The following MFN2 variants were observed in gnomAD, a reference collection of about 807,000 sequenced individuals.
MFN2 encodes the protein mitofusin 2.
Under a neutral mutation model 87.5 loss-of-function variants are expected in MFN2, and 43 were observed. The observed-to-expected ratio is 0.49, with a 90% CI of 0.38 to 0.63. The LOEUF is 0.63. MFN2 is among the 30% of genes least tolerant of loss of function. The pLI is 0.00. For missense variants in MFN2, 743 were observed against 972.8 expected (o/e 0.76, Z 3.14); for synonymous variants, 337 against 359.9 (o/e 0.94, Z 0.72).
In MFN2 at chr1:12,007,247, G is replaced by A. The variant is rs970325328; in HGVS notation, c.2067G>A (p.Gln689=). The change falls in exon 17 of 19, where the codon CAG becomes CAA. Residue 689 remains glutamine (Q), a splice_region_variant and synonymous_variant. Transcript: ENST00000235329. The part of the protein sequence containing the change: ...YTGSNCSHQV[Q]QELSGTFAHL... Reference sequence around the variant, plus strand: ...GCTCCAACTGCAGCCACCAAGTCCAGCAGTGAGTGGCCCTGTCGGACCCCA... The same window carrying A: ...GCTCCAACTGCAGCCACCAAGTCCAACAGTGAGTGGCCCTGTCGGACCCCA... 1.2e-6 allele frequency: 2 copies of A among 1,613,732 alleles called. No homozygotes were observed. The highest frequency in any genetic ancestry group is 1.7e-6 in the Non-Finnish European group (2 of 1,179,962).
chr1:11,997,649 A>G (rs1557523193), intron 6 of MFN2, among the ~76,000 whole-genome samples: 1 of 152,100 alleles, frequency 6.6e-6, no homozygotes, highest in Non-Finnish European at 1.5e-5. Flanking sequence ...TCTGTAAAAG[A>G]TAGGAGGGAT....
At chr1:12,001,627 A>G in intron 9 of MFN2, 73 bp downstream of exon 9, 1 of 1,610,330 alleles carries the variant, frequency 6.2e-7, no homozygotes, top group Non-Finnish European at 8.5e-7. Flanking sequence ...GGAGTCTGTC[A>G]GTAGAAAATC....
At chr1:12,008,948 G>A (rs926152595) in intron 17 of MFN2, among the ~76,000 whole-genome samples, 5 of 152,216 alleles carry the variant, frequency 3.3e-5, no homozygotes, top group Admixed American at 6.5e-5. Context: ...CTGCAATCCC[G>A]GCACCTCGGG....
chr1:12,008,908 A>C (rs1404394708), intron 17 of MFN2, among the ~76,000 whole-genome samples: 3 of 152,244 alleles, frequency 2.0e-5, no homozygotes, highest in Non-Finnish European at 2.9e-5. Flanking sequence ...TGCCTGGGCA[A>C]CATTGAGCAC....
intron 3 of MFN2, among the ~76,000 whole-genome samples, chr1:11,990,236 C>T (rs1638617858): frequency 6.6e-6 from 1 of 152,210 alleles, no homozygotes; most frequent in Admixed American, 6.5e-5. Flanking sequence ...CACGAGGCTC[C>T]CTTTGAAGAA....
At chr1:12,007,302 C>A (rs1639468718) in intron 17 of MFN2, 53 bp downstream of exon 17, 2 of 1,583,518 alleles carry the variant, frequency 1.3e-6, no homozygotes, top group Non-Finnish European at 1.7e-6. Flanking sequence ...CAGGGTCAGC[C>A]CCATCTCCCT....
At position 12,004,389 on chromosome 1, in the gene MFN2, A is replaced by T. The variant is rs1427093801; in HGVS notation, c.1288-120A>T. On this transcript the variant is annotated intron_variant, in intron 12 of 18. Coordinates refer to ENST00000235329, the MANE Select transcript of MFN2 (RefSeq NM_014874.4). The surrounding 1 kb of genome is among the most constrained non-coding windows in gnomAD (Gnocchi z 4.2). ...TTCAGAGGCTTTAATTCCATAGAGG[A>T]GCTGAGGAGGCTGCTGGTTTGAGAG... 7 of 984,158 alleles carry T rather than the reference A, an allele frequency of 7.1e-6. No homozygotes were observed. The highest frequency in any genetic ancestry group is 1.2e-5 in the Non-Finnish European group (7 of 608,360). The allele number at this position is 984,158 out of a possible 1,614,324, so 61.0% of individuals were successfully genotyped here.
rs764170470 is a variant in MFN2, at chr1:12,004,058, G to T, written c.1227G>T (p.Glu409Asp). The change falls in exon 12 of 19, where the codon GAG becomes GAT. Residue 409 changes from glutamate to aspartate, a missense_variant. By Grantham distance (45) the Glu-to-Asp change is conservative. Around this residue, in one of 3 missense-constraint regions of MFN2, gnomAD observed 571 missense variants for 670.7 expected, o/e 0.85. Transcript: ENST00000235329. The surrounding 1 kb of genome is among the most constrained non-coding windows in gnomAD (Gnocchi z 4.2). Reference sequence around the variant, plus strand: ...TGAAATTTATTGACAAACAGCTGGAGCTCTTGGCTCAAGACTATAAGCTGC... The same window carrying T: ...TGAAATTTATTGACAAACAGCTGGATCTCTTGGCTCAAGACTATAAGCTGC... The part of the protein sequence containing the change: ...DRLKFIDKQL[E>D]LLAQDYKLRI... 6.2e-7 allele frequency: 1 copy of T among 1,614,214 alleles called. No homozygotes were observed. Among genetic ancestry groups the T allele is most frequent in the Non-Finnish European group, 8.5e-7 (1 of 1,180,046 alleles).
rs757817139 is a variant in MFN2, at chr1:11,998,777, A to G, written c.607A>G (p.Ile203Val). 6.2e-6 allele frequency: 10 copies of G among 1,614,082 alleles called. No homozygotes were observed. Among genetic ancestry groups the G allele is most frequent in the East Asian group, 2.2e-5 (1 of 44,872 alleles). The change falls in exon 7 of 19, where the codon ATT becomes GTT. Residue 203 changes from isoleucine (I) to valine (V), a missense_variant. Coordinates refer to ENST00000235329, the MANE Select transcript of MFN2 (RefSeq NM_014874.4). The part of the protein sequence containing the change: ...DDLVLMDSPG[I>V]DVTTELDSWI... Reference sequence around the variant, plus strand: ...TACCCCTGTCACCTTTAGCCCTGGTATTGATGTCACCACAGAGCTGGACAG... The same window carrying G: ...TACCCCTGTCACCTTTAGCCCTGGTGTTGATGTCACCACAGAGCTGGACAG...
At chr1:11,986,279 C>T (rs1203619545) in intron 2 of MFN2, among the ~76,000 whole-genome samples, 2 of 152,194 alleles carry the variant, frequency 1.3e-5, no homozygotes, top group Non-Finnish European at 2.9e-5. Flanking sequence ...AAGTTTTTCA[C>T]GTGTGCTTGC....
intron 2 of MFN2, among the ~76,000 whole-genome samples, chr1:11,987,067 C>T (rs1274597928): frequency 2.0e-5 from 3 of 151,728 alleles, no homozygotes; most frequent in East Asian, 1.9e-4. Context: ...CCCAGCACTT[C>T]GGGAGGCCGA....
chr1:11,980,592 G>A, intron 1 of MFN2, 108 bp downstream of exon 1: 1 of 396,856 alleles, frequency 2.5e-6, no homozygotes. Context: ...GGGGGTCTGG[G>A]ATGCAGTCAA....
chr1:11,986,175 A>G (rs1638396830), intron 2 of MFN2, among the ~76,000 whole-genome samples: 1 of 152,118 alleles, frequency 6.6e-6, no homozygotes, highest in Non-Finnish European at 1.5e-5. Context: ...GTTAGTTACT[A>G]AAAGTCCGTT....
intron 2 of MFN2, among the ~76,000 whole-genome samples, chr1:11,984,493 A>G (rs768589464): frequency 6.6e-6 from 1 of 152,222 alleles, no homozygotes; most frequent in Non-Finnish European, 1.5e-5. Context: ...CTCACAGTTT[A>G]GATGGTATTG....
At chr1:11,990,688 G>C (rs1482200293) in intron 3 of MFN2, among the ~76,000 whole-genome samples, 1 of 152,240 alleles carries the variant, frequency 6.6e-6, no homozygotes, top group African/African-American at 2.4e-5. Flanking sequence ...AATGGTTCCT[G>C]CCTGGGCACT....
At position 12,005,942 on chromosome 1, in the gene MFN2, T is replaced by C. The variant is rs1251305292; in HGVS notation, c.1716+11T>C. ...GGCTACAATGACCAGGCAAGCAAAG[T>C]TCCTCACCTCAAGGGCATTGTGGGG... On this transcript the variant is annotated intron_variant, in intron 15 of 18. Coordinates refer to ENST00000235329, the MANE Select transcript of MFN2 (RefSeq NM_014874.4). The C allele has an allele frequency of 6.2e-7, 1 of 1,612,092 alleles. No individual in the cohort carries two copies. The highest frequency in any genetic ancestry group is 1.3e-5 in the African/African-American group (1 of 74,830).
chr1:12,009,596 C>A lies in MFN2; in HGVS notation c.2074C>A (p.Leu692Met). 3 of 1,614,230 alleles carry A rather than the reference C, an allele frequency of 1.9e-6. No homozygotes were observed. The highest frequency in any genetic ancestry group is 2.5e-6 in the Non-Finnish European group (3 of 1,180,034). The part of the protein sequence containing the change: ...SNCSHQVQQE[L>M]SGTFAHLCQQ... ...TCCCTTCTCTCTCCTCCCCAGGGAA[C>A]TGTCTGGGACCTTTGCTCATCTGTG... The change falls in exon 18 of 19, where the codon CTG becomes ATG. Residue 692 changes from leucine to methionine, a missense_variant. This residue lies in a region of MFN2 where 571 missense variants were observed against 670.7 expected (regional missense o/e 0.85). Transcript: ENST00000235329.
At chr1:12,008,215 C>T (rs1295894440) in intron 17 of MFN2, among the ~76,000 whole-genome samples, 9 of 151,506 alleles carry the variant, frequency 5.9e-5, no homozygotes, top group African/African-American at 7.3e-5. Context: ...CTTTTCTATT[C>T]GACAAAACCG....
At chr1:11,986,662 C>G (rs1365774628) in intron 2 of MFN2, among the ~76,000 whole-genome samples, 4 of 150,024 alleles carry the variant, frequency 2.7e-5, no homozygotes, top group Non-Finnish European at 5.9e-5. Context: ...GCGATCTTAG[C>G]TCACTGCAAC....
Sources: allele counts gnomAD v4.1 joint callset (sites outside exome capture counted in the v4.1 genomes callset), GRCh38; gene constraint gnomAD v4.1.1; regional missense constraint gnomAD v4.1.1; non-coding constraint Gnocchi (gnomAD v3.1); transcripts MANE v1.5; gene names NCBI Gene and HGNC (gene_info 2026-07-23, HGNC 2026-07-21).